PDE4D: variants seen among roughly 807,000 people sequenced by gnomAD.
The protein encoded by PDE4D is 3',5'-cyclic-AMP phosphodiesterase 4D.
A neutral mutation model predicts 87.4 loss-of-function variants in PDE4D; 24 were observed. That is an observed-to-expected ratio of 0.27 (90% confidence interval 0.20 to 0.39). The LOEUF is 0.39. PDE4D is among the 10% of genes least tolerant of loss of function. The pLI is 1.00. For missense variants in PDE4D, 714 were observed against 1,041.0 expected (o/e 0.69, Z 4.32); for synonymous variants, 384 against 383.2 (o/e 1.00, Z -0.02).
intron 1 of PDE4D, among the ~76,000 whole-genome samples, chr5:59,779,369 A>T (rs1023664433): frequency 6.6e-6 from 1 of 152,162 alleles, no homozygotes; most frequent in Admixed American, 6.5e-5. Flanking sequence ...TTGTTCTTCT[A>T]GATCTGCACT....
At chr5:59,401,611 G>T (rs1339157642) in intron 1 of PDE4D, among the ~76,000 whole-genome samples, 1 of 152,074 alleles carries the variant, frequency 6.6e-6, no homozygotes, top group African/African-American at 2.4e-5. Flanking sequence ...GTGGAACTCT[G>T]GGGTATTACA....
chr5:59,235,804 T>G (rs899084698), intron 1 of PDE4D, among the ~76,000 whole-genome samples: 1 of 152,142 alleles, frequency 6.6e-6, no homozygotes, highest in Non-Finnish European at 1.5e-5. Context: ...TCCTTCATTT[T>G]GGTACTCTTG....
chr5:59,717,418 T>C (rs1755190478), intron 1 of PDE4D, among the ~76,000 whole-genome samples: 1 of 152,188 alleles, frequency 6.6e-6, no homozygotes, highest in Admixed American at 6.6e-5. Context: ...TGTAACCTTA[T>C]CTTTATTTCT....
At chr5:59,429,779 G>C (rs970341096) in intron 1 of PDE4D, among the ~76,000 whole-genome samples, 2 of 152,126 alleles carry the variant, frequency 1.3e-5, no homozygotes, top group African/African-American at 4.8e-5. Flanking sequence ...GTCGGGGGTA[G>C]AACACAGATC....
intron 3 of PDE4D, among the ~76,000 whole-genome samples, chr5:59,945,390 A>G (rs1022150886): frequency 2.0e-5 from 3 of 152,242 alleles, no homozygotes; most frequent in Admixed American, 2.0e-4. Flanking sequence ...CTTTGGATCC[A>G]GCCCAGCCTT....
chr5:60,336,682 GTGTC>G (rs1239722402), intron 1 of PDE4D, among the ~76,000 whole-genome samples: 2 of 152,184 alleles, frequency 1.3e-5, no homozygotes, highest in East Asian at 3.9e-4. Flanking sequence ...TTGTCACAAA[GTGTC>G]TGAATGGCTG....
chr5:59,884,162 A>G (rs1434546104), intron 1 of PDE4D, among the ~76,000 whole-genome samples: 4 of 151,948 alleles, frequency 2.6e-5, no homozygotes, highest in Non-Finnish European at 5.9e-5. Context: ...TCCTGCTTAG[A>G]CAGAATATAT....
intron 2 of PDE4D, among the ~76,000 whole-genome samples, chr5:59,203,311 G>GTT (rs36121613): frequency 0.016 from 2,390 of 151,364 alleles, 48 homozygotes; most frequent in African/African-American, 0.053. Flanking sequence ...ACCTATAATA[G>GTT]TTTTTTTTTA....
intron 1 of PDE4D, among the ~76,000 whole-genome samples, chr5:60,284,189 G>T (rs1409217750): frequency 6.6e-6 from 1 of 152,086 alleles, no homozygotes; most frequent in African/African-American, 2.4e-5. Context: ...CTTGTTTTAG[G>T]TAACTATGCC....
intron 1 of PDE4D, among the ~76,000 whole-genome samples, chr5:59,531,016 G>T (rs769022850): frequency 2.6e-5 from 4 of 152,172 alleles, no homozygotes; most frequent in Non-Finnish European, 5.9e-5. Context: ...ATTTCTTAAT[G>T]AACTCTCCAG....
intron 1 of PDE4D, among the ~76,000 whole-genome samples, chr5:60,367,893 G>T (rs373423944): frequency 5.9e-5 from 9 of 152,222 alleles, no homozygotes; most frequent in African/African-American, 2.2e-4. Context: ...TGAAATAGCT[G>T]CCTGTCCTGT....
Position 59,612,237 on chromosome 5 carries a change from T to TTTTG in PDE4D, c.455+280927_455+280930dup, listed in dbSNP as rs60814417. 7.5e-3 allele frequency among the ~76,000 whole-genome samples: 1,128 copies of TTTTG among 150,506 alleles called. 14 individuals are homozygous for TTTTG. The highest frequency in any genetic ancestry group is 0.024 in the African/African-American group (985 of 41,098). ...CTGATTCCTTGATTGACACTGTTTT[T>TTTTG]TTTGTTTGTTTGTTTGTTTTAGATT... On this transcript the variant is annotated intron_variant, in intron 1 of 14. Transcript: ENST00000340635.
chr5:60,387,259 G>T (rs989450903), intron 1 of PDE4D, among the ~76,000 whole-genome samples: 1 of 152,204 alleles, frequency 6.6e-6, no homozygotes, highest in Non-Finnish European at 1.5e-5. Flanking sequence ...CCCACTGCAG[G>T]CAGCCAAGGA....
intron 1 of PDE4D, among the ~76,000 whole-genome samples, chr5:59,574,153 T>TA (rs1822696836): frequency 6.0e-5 from 6 of 100,610 alleles, no homozygotes; most frequent in African/African-American, 2.6e-4. Context: ...TAAATATATA[T>TA]TTATATATAT....
At chr5:59,698,969 G>A (rs1337534351) in intron 1 of PDE4D, among the ~76,000 whole-genome samples, 4 of 152,166 alleles carry the variant, frequency 2.6e-5, no homozygotes, top group Non-Finnish European at 1.5e-5. Flanking sequence ...CTTAAAGTGG[G>A]CAATTAGCTT....
At chr5:59,913,213 T>C (rs899153752) in intron 3 of PDE4D, among the ~76,000 whole-genome samples, 25 of 152,220 alleles carry the variant, frequency 1.6e-4, no homozygotes, top group Non-Finnish European at 7.3e-5. Flanking sequence ...CAATGATTAT[T>C]ATATACTAAA....
intron 1 of PDE4D, among the ~76,000 whole-genome samples, chr5:59,697,400 C>T (rs1189840008): frequency 6.6e-6 from 1 of 152,102 alleles, no homozygotes; most frequent in Non-Finnish European, 1.5e-5. Context: ...GGAAGGAGAA[C>T]CTGAGACCTG....
At chr5:59,343,533 C>T (rs1350577979) in intron 1 of PDE4D, among the ~76,000 whole-genome samples, 1 of 152,146 alleles carries the variant, frequency 6.6e-6, no homozygotes, top group Non-Finnish European at 1.5e-5. Context: ...GAATGTACAG[C>T]ATAAAGTTTA....
intron 3 of PDE4D, among the ~76,000 whole-genome samples, chr5:59,192,191 A>T (rs931323176): frequency 6.6e-6 from 1 of 152,248 alleles, no homozygotes; most frequent in Non-Finnish European, 1.5e-5. Flanking sequence ...AACTATACAT[A>T]ATCCTACTAT....
Sources: allele counts gnomAD v4.1 joint callset (sites outside exome capture counted in the v4.1 genomes callset), GRCh38; gene constraint gnomAD v4.1.1; transcripts MANE v1.5; gene names NCBI Gene and HGNC (gene_info 2026-07-23, HGNC 2026-07-21).